The following LIMS2 variants were observed in gnomAD, a reference collection of about 807,000 sequenced individuals.
LIMS2 encodes LIM zinc finger domain containing 2.
Under a neutral mutation model 45.3 loss-of-function variants are expected in LIMS2, and 30 were observed. That is an observed-to-expected ratio of 0.66 (90% CI 0.50 to 0.90). The LOEUF is 0.90. Ranked by LOEUF, LIMS2 falls within the 40% of genes least tolerant of loss-of-function variation. The pLI is 0.00. For missense variants in LIMS2, 485 were observed against 468.7 expected, an observed-to-expected ratio of 1.03 and a Z score of -0.32; for synonymous variants, 173 against 188.0, an observed-to-expected ratio of 0.92 and a Z score of 0.65.
intron 4 of LIMS2, 63 bp downstream of exon 4, chr2:127,654,361 G>C: frequency 1.2e-6 from 2 of 1,608,536 alleles, no homozygotes; most frequent in Non-Finnish European, 1.7e-6. Flanking sequence ...ACACAGGAGA[G>C]GTGGCAGGTG....
intron 1 of LIMS2, chr2:127,674,584 A>G (rs1685420732): frequency 4.2e-6 from 4 of 960,034 alleles, no homozygotes; most frequent in Non-Finnish European, 5.0e-6. Context: ...CCAGGTTTAC[A>G]GAGGAGGAAA....
Position 127,642,242 on chromosome 2 carries a change from C to G in LIMS2, c.510-43G>C, listed in dbSNP as rs375710382. 1.7e-5 allele frequency: 25 copies of G among 1,462,844 alleles called. No homozygotes were observed. Among genetic ancestry groups the G allele is most frequent in the Non-Finnish European group, 2.2e-5 (24 of 1,100,434 alleles). 90.6% of individuals were successfully genotyped at this position (1,462,844 alleles called of 1,614,324 possible). A position where few individuals can be genotyped will look rare whatever the true frequency, so the allele number is the denominator to read the frequency against. On this transcript the variant is annotated intron_variant, in intron 5 of 9. Coordinates refer to ENST00000355119, the MANE Select transcript of LIMS2 (RefSeq NM_001161403.3). The surrounding 1 kb of genome is among the most constrained non-coding windows in gnomAD (Gnocchi z 5.3). ...GCCCCCAGGTGCCACCCCTGCCCTT[C>G]TGCAGGGTCATGCCAGCAGCGCCTC...
rs962195323 is a variant in LIMS2 at position 127,647,875 on chromosome 2, C to G, written c.360-4803G>C. The stretch of plus-strand genomic sequence containing the variant: ...GTCATGGGCCCCCCTCCCCTGCCAC[C>G]GTCCCACCGGTACCTGCTCCCTGTT... On this transcript the variant is annotated intron_variant, in intron 4 of 9. Transcript: ENST00000355119. This position sits in a 1 kb window ranked among gnomAD's most constrained non-coding sequence, Gnocchi z 4.3. 6.6e-6 allele frequency among the ~76,000 whole-genome samples: 1 copy of G among 152,060 alleles called. No individual in the cohort carries two copies. Among genetic ancestry groups the G allele is most frequent in the African/African-American group, 2.4e-5 (1 of 41,394 alleles).
Position 127,647,835 on chromosome 2 carries a change from C to T in LIMS2, c.360-4763G>A, listed in dbSNP as rs1683168289. 6.6e-6 allele frequency among the ~76,000 whole-genome samples: 1 copy of T among 152,096 alleles called. No homozygotes were observed. Among genetic ancestry groups the T allele is most frequent in the African/African-American group, 2.4e-5 (1 of 41,410 alleles). ...GGGTCCTCACCCCCAGCACATGCAACACGACACCCTCAAAGTCATGGGCCC... is the reference window on the plus strand; with the variant it reads ...GGGTCCTCACCCCCAGCACATGCAATACGACACCCTCAAAGTCATGGGCCC... On this transcript the variant is annotated intron_variant, in intron 4 of 9. Transcript: ENST00000355119. This position sits in a 1 kb window ranked among gnomAD's most constrained non-coding sequence, Gnocchi z 4.3.
Position 127,653,772 on chromosome 2 carries a change from C to T in LIMS2, c.359+652G>A, listed in dbSNP as rs551379199. On this transcript the variant is annotated intron_variant, in intron 4 of 9. Transcript: ENST00000355119. The surrounding 1 kb of genome is among the most constrained non-coding windows in gnomAD (Gnocchi z 5.3). ...CCAGGGTAGCACACGCGAGGGGCAGCGGGTGTGCTGGGAGAAGCCGGGGAG... is the reference window on the plus strand; with the variant it reads ...CCAGGGTAGCACACGCGAGGGGCAGTGGGTGTGCTGGGAGAAGCCGGGGAG... 1.3e-5 allele frequency among the ~76,000 whole-genome samples: 2 copies of T among 152,156 alleles called. No individual in the cohort carries two copies. The highest frequency in any genetic ancestry group is 1.9e-4 in the East Asian group (1 of 5,160).
At chr2:127,666,715 A>G (rs181005872) in intron 1 of LIMS2, among the ~76,000 whole-genome samples, 4 of 152,316 alleles carry the variant, frequency 2.6e-5, no homozygotes, top group Admixed American at 1.3e-4. Flanking sequence ...ACAGTTGAAC[A>G]GGGCTGGGGA....
intron 1 of LIMS2, among the ~76,000 whole-genome samples, chr2:127,673,233 C>T (rs148706680): frequency 3.0e-4 from 46 of 152,322 alleles, no homozygotes; most frequent in Non-Finnish European, 5.3e-4. Context: ...GGGGAGCCAC[C>T]GAACTGCATA....
Position 127,657,426 on chromosome 2 carries a change from A to G in LIMS2, c.148T>C (p.Phe50Leu), listed in dbSNP as rs2105303384. ...CFVCAQCFRP[F>L]PEGLFYEFEG... ...ACCTCATAGAAGAGCCCCTCGGGGA[A>G]GGGCCGGAAGCACTGGGCACACACG... Residue 50 changes from phenylalanine to leucine, a missense_variant, in exon 2 of 10, where the codon TTC becomes CTC. Phe to Leu is a conservative substitution (Grantham distance 22). Coordinates refer to ENST00000355119, the MANE Select transcript of LIMS2 (RefSeq NM_001161403.3). 9 of 1,613,888 alleles carry G rather than the reference A, an allele frequency of 5.6e-6. No homozygotes were observed. The highest frequency in any genetic ancestry group is 7.6e-6 in the Non-Finnish European group (9 of 1,179,996).
Position 127,642,555 on chromosome 2 carries a change from C to T in LIMS2, c.510-356G>A, listed in dbSNP as rs1682538634. ...GTGGGCGAGGACGGGGGCTGAGGGG[C>T]TGCCTATGCAACTCCTCTCTCCAAC... On this transcript the variant is annotated intron_variant, in intron 5 of 9. Transcript: ENST00000355119. This position sits in a 1 kb window ranked among gnomAD's most constrained non-coding sequence, Gnocchi z 5.3. The T allele has an allele frequency of 1.4e-5, 5 of 363,784 alleles. No individual in the cohort carries two copies. 22.5% of individuals were successfully genotyped at this position (363,784 alleles called of 1,614,324 possible). A position where few individuals can be genotyped will look rare whatever the true frequency, so the allele number is the denominator to read the frequency against.
chr2:127,681,647 C>T (rs551680873), exon 1 of LIMS2: 1 of 152,354 alleles, frequency 6.6e-6, no homozygotes, highest in African/African-American at 2.4e-5. Flanking sequence ...GCCCACAAAA[C>T]AAAAGGAGCA....
Position 127,642,357 on chromosome 2 carries a change from T to C in LIMS2, c.510-158A>G, listed in dbSNP as rs907660068. 1 of 791,656 alleles carries C rather than the reference T, an allele frequency of 1.3e-6. No individual in the cohort carries two copies. The highest frequency in any genetic ancestry group is 1.9e-6 in the Non-Finnish European group (1 of 527,054). The allele number at this position is 791,656 out of a possible 1,614,324, so 49.0% of individuals were successfully genotyped here. On this transcript the variant is annotated intron_variant, in intron 5 of 9. Coordinates refer to ENST00000355119, the MANE Select transcript of LIMS2 (RefSeq NM_001161403.3). The surrounding 1 kb of genome is among the most constrained non-coding windows in gnomAD (Gnocchi z 5.3). ...TCTGATCTCTGGGCACTTTGAAGAC[T>C]TCCTGTGCCCCAGACAGGCCCTGGA...
At chr2:127,645,458 G>A (rs1271998216) in intron 4 of LIMS2, among the ~76,000 whole-genome samples, 3 of 152,166 alleles carry the variant, frequency 2.0e-5, no homozygotes, top group Non-Finnish European at 4.4e-5. Context: ...ACCCCAGCCC[G>A]GAGCCACCCC....
rs1682472957 is a variant in LIMS2, at chr2:127,642,084, C to T, written c.625G>A (p.Val209Met). Residue 209 changes from valine to methionine, a missense_variant, in exon 6 of 10, where the codon GTG becomes ATG. Physicochemically the swap from Val to Met is conservative, Grantham distance 21. Coordinates refer to ENST00000355119, the MANE Select transcript of LIMS2 (RefSeq NM_001161403.3). The surrounding 1 kb of genome is among the most constrained non-coding windows in gnomAD (Gnocchi z 5.3). Reference sequence around the variant, plus strand: ...CACTGCTTGCCCAGCGCGTTGACCACTCGGCCCTCGATGGGCCGGCGGCAG... The same window carrying T: ...CACTGCTTGCCCAGCGCGTTGACCATTCGGCCCTCGATGGGCCGGCGGCAG... ...GACRRPIEGR[V>M]VNALGKQWHV... is the part of the protein sequence containing the mutation. 8.1e-6 allele frequency: 13 copies of T among 1,610,772 alleles called. No homozygotes were observed. The East Asian group carries it at 8.9e-5, about 11-fold the overall frequency.
In LIMS2 at chr2:127,664,530, G is replaced by A. The variant is rs996956287; in HGVS notation, c.12-6968C>T. ...TGTGGGCGCCTCCCCCGCGCTGGTC[G>A]CGAGCTCACGTTACGCGCTGGGATC... On this transcript the variant is annotated intron_variant, in intron 1 of 9. Coordinates refer to ENST00000355119, the MANE Select transcript of LIMS2 (RefSeq NM_001161403.3). The surrounding 1 kb of genome is among the most constrained non-coding windows in gnomAD (Gnocchi z 5.5). The A allele has an allele frequency of 1.7e-6, 2 of 1,152,372 alleles. No individual in the cohort carries two copies. Among genetic ancestry groups the A allele is most frequent in the East Asian group, 8.4e-5 (2 of 23,804 alleles). 71.4% of individuals were successfully genotyped at this position (1,152,372 alleles called of 1,614,324 possible).
At chr2:127,655,104 G>C (rs965109852) in intron 2 of LIMS2, 1 of 634,384 alleles carries the variant, frequency 1.6e-6, no homozygotes, top group Non-Finnish European at 2.9e-6. Context: ...AGGTGCCCCC[G>C]TGGAAGCTGG....
chr2:127,649,144 G>A (rs1276147653), intron 4 of LIMS2, among the ~76,000 whole-genome samples: 2 of 150,166 alleles, frequency 1.3e-5, no homozygotes, highest in African/African-American at 2.4e-5. Flanking sequence ...CAAGCAAAGC[G>A]AAGTGAGAGA....
chr2:127,650,905 T>C (rs1297454235), intron 4 of LIMS2: 1 of 1,614,056 alleles, frequency 6.2e-7, no homozygotes, highest in Non-Finnish European at 8.5e-7. Flanking sequence ...TGGCTTTTCA[T>C]CCGAGACCAC....
chr2:127,665,596 G>T (rs746941886), intron 1 of LIMS2, among the ~76,000 whole-genome samples: 1 of 152,240 alleles, frequency 6.6e-6, no homozygotes, highest in Non-Finnish European at 1.5e-5. Context: ...TAAAGGGCAT[G>T]GAGAAGCTGA....
chr2:127,657,801 C>T (rs952896099), intron 1 of LIMS2, among the ~76,000 whole-genome samples: 4 of 152,300 alleles, frequency 2.6e-5, no homozygotes, highest in African/African-American at 9.6e-5. Flanking sequence ...CTTCAGGGAC[C>T]AGAGAGTCTC....
Sources: gnomAD v4.1 joint callset for allele counts (sites outside exome capture counted in the v4.1 genomes callset) on GRCh38, gnomAD v4.1.1 for gene constraint, Gnocchi (gnomAD v3.1) non-coding constraint, MANE v1.5 for transcripts, NCBI Gene and HGNC (gene_info 2026-07-23, HGNC 2026-07-21) for gene names.